Variants in SIL1 observed in about 807,000 individuals in gnomAD.
SIL1 encodes the protein SIL1 nucleotide exchange factor.
A neutral mutation model predicts 49.1 loss-of-function variants in SIL1; 40 were observed. The observed-to-expected ratio is 0.81, with a 90% CI of 0.63 to 1.06. The LOEUF (loss-of-function observed/expected upper bound fraction) is 1.06, where lower values mean the gene tolerates loss of function less well. SIL1 is among the 50% of genes least tolerant of loss of function. The pLI is 0.00. For missense variants in SIL1, 500 were observed against 572.6 expected (o/e 0.87, Z 1.29); for synonymous variants, 253 against 250.8 (o/e 1.01, Z -0.08).
At chr5:139,022,104 A>C (rs1768542484) in intron 6 of SIL1, 1 of 152,336 alleles carries the variant, frequency 6.6e-6, no homozygotes, top group African/African-American at 2.4e-5. Flanking sequence ...TTCCTCAGAA[A>C]GGTCACTGGA....
chr5:139,101,903 G>C (rs1425927056), intron 3 of SIL1, among the ~76,000 whole-genome samples: 1 of 152,156 alleles, frequency 6.6e-6, no homozygotes, highest in Non-Finnish European at 1.5e-5. Context: ...GGACCACATA[G>C]AGAAGAAATT....
At chr5:139,012,280 C>G (rs1239694286) in intron 7 of SIL1, 1 of 152,390 alleles carries the variant, frequency 6.6e-6, no homozygotes, top group African/African-American at 2.4e-5. Context: ...GTCTTGAACT[C>G]CTGGGCTCAA....
At chr5:139,017,370 G>A (rs1768423918) in intron 7 of SIL1, 1 of 152,168 alleles carries the variant, frequency 6.6e-6, no homozygotes, top group Admixed American at 6.5e-5. Flanking sequence ...GGGATCCATT[G>A]TAAAAGTACA....
intron 5 of SIL1, among the ~76,000 whole-genome samples, chr5:139,042,359 A>G (rs968299984): frequency 5.3e-5 from 8 of 152,282 alleles, no homozygotes; most frequent in Non-Finnish European, 1.0e-4. Context: ...CAGTGCCTCA[A>G]TTTCTCCAAA....
At chr5:138,973,235 A>G (rs1767321617) in intron 7 of SIL1, among the ~76,000 whole-genome samples, 1 of 151,338 alleles carries the variant, frequency 6.6e-6, no homozygotes, top group African/African-American at 2.4e-5. Flanking sequence ...GTTGTGTAAG[A>G]ATAAAGTGGC....
intron 1 of SIL1, among the ~76,000 whole-genome samples, chr5:139,137,984 G>A (rs567044493): frequency 4.6e-5 from 7 of 152,006 alleles, no homozygotes; most frequent in African/African-American, 1.7e-4. Context: ...CATAGGCACA[G>A]GCATTCAGGA....
chr5:139,121,259 T>C (rs1750629510), intron 2 of SIL1, 86 bp from the exon 3 acceptor site: 2 of 1,566,176 alleles, frequency 1.3e-6, no homozygotes, highest in Admixed American at 3.3e-5. Context: ...GCACGTTCTT[T>C]TCCTCCATGC....
chr5:139,052,972 G>A (rs1007670525), intron 3 of SIL1, among the ~76,000 whole-genome samples: 4 of 152,094 alleles, frequency 2.6e-5, no homozygotes, highest in Admixed American at 6.5e-5. Flanking sequence ...ATCAAACAGC[G>A]GCGGAAGATG....
At chr5:139,046,445 C>T (rs985165118) in intron 4 of SIL1, among the ~76,000 whole-genome samples, 4 of 152,200 alleles carry the variant, frequency 2.6e-5, no homozygotes, top group African/African-American at 9.6e-5. Flanking sequence ...CCAATCTCAT[C>T]TCCTATCGAT....
chr5:139,140,201 C>T (rs935568127), intron 1 of SIL1, among the ~76,000 whole-genome samples: 2 of 150,736 alleles, frequency 1.3e-5, no homozygotes, highest in Non-Finnish European at 2.9e-5. Context: ...GCCTGGGAGG[C>T]GGAGGTTGCA....
chr5:138,969,803 G>T (rs1767232152), intron 7 of SIL1, among the ~76,000 whole-genome samples: 1 of 152,250 alleles, frequency 6.6e-6, no homozygotes, highest in African/African-American at 2.4e-5. Flanking sequence ...ATGGAACAAT[G>T]AATCTGCCAC....
In SIL1 at chr5:139,005,228, T is replaced by C. The variant is rs1020251389; in HGVS notation, c.767+15943A>G. 4.1e-5 allele frequency among the ~76,000 whole-genome samples: 6 copies of C among 146,736 alleles called. No homozygotes were observed. In the South Asian group the frequency reaches 1.1e-3, roughly 27 times the overall value. ...TATCATGTTTTACAAAATAAATACA[T>C]ATAATTTTATCTGCCAAGTAAAAAA... On this transcript the variant is annotated intron_variant, in intron 7 of 9. Transcript: ENST00000394817.
intron 3 of SIL1, among the ~76,000 whole-genome samples, chr5:139,073,828 G>A (rs1180787241): frequency 1.3e-5 from 2 of 151,632 alleles, no homozygotes; most frequent in African/African-American, 4.8e-5. Context: ...TGGGAGGCTG[G>A]GGCGGAGGTT....
intron 6 of SIL1, 25 bp from the exon 7 acceptor site, chr5:139,021,317 C>T (rs771249573): frequency 1.9e-6 from 3 of 1,613,742 alleles, no homozygotes; most frequent in Non-Finnish European, 2.5e-6. Context: ...CTGCTTAGTA[C>T]AGCATAGCCA....
intron 1 of SIL1, among the ~76,000 whole-genome samples, chr5:139,168,164 T>C (rs1751661680): frequency 6.6e-6 from 1 of 152,238 alleles, no homozygotes; most frequent in Admixed American, 6.5e-5. Context: ...TGTGGTAGGC[T>C]ATACCATCTA....
chr5:139,164,002 C>T (rs990787746), intron 1 of SIL1, among the ~76,000 whole-genome samples: 3 of 151,796 alleles, frequency 2.0e-5, no homozygotes, highest in African/African-American at 7.3e-5. Context: ...GCCTGTAATC[C>T]CAGCTACTCG....
Position 139,022,925 on chromosome 5 carries a change from G to A in SIL1, c.646-1633C>T, listed in dbSNP as rs1284352566. 2.0e-5 allele frequency among the ~76,000 whole-genome samples: 3 copies of A among 152,170 alleles called. No homozygotes were observed. The East Asian group carries it at 5.8e-4, about 29-fold the overall frequency. ...GGTTGTCCTTCCTCTGGGTTTTCTGGATACAAAACTATGGCTCAGAATCCT... is the reference window on the plus strand; with the variant it reads ...GGTTGTCCTTCCTCTGGGTTTTCTGAATACAAAACTATGGCTCAGAATCCT... On this transcript the variant is annotated intron_variant, in intron 6 of 9. Coordinates refer to ENST00000394817, the MANE Select transcript of SIL1 (RefSeq NM_022464.5).
chr5:139,142,115 A>G (rs376348462), intron 1 of SIL1, among the ~76,000 whole-genome samples: 11 of 152,230 alleles, frequency 7.2e-5, no homozygotes, highest in African/African-American at 2.2e-4. Context: ...TGTCAAAACA[A>G]AAAAGTATGG....
At chr5:138,999,931 C>T (rs1245199460) in intron 7 of SIL1, among the ~76,000 whole-genome samples, 1 of 152,156 alleles carries the variant, frequency 6.6e-6, no homozygotes, top group African/African-American at 2.4e-5. Context: ...ACTGTTTCTT[C>T]CTTTCCAATT....
Sources: allele counts gnomAD v4.1 joint callset (sites outside exome capture counted in the v4.1 genomes callset), GRCh38; gene constraint gnomAD v4.1.1; transcripts MANE v1.5; gene names NCBI Gene and HGNC (gene_info 2026-07-23, HGNC 2026-07-21).